Variants in STMN1 observed in about 807,000 individuals in gnomAD.
STMN1 encodes the protein stathmin 1.
In STMN1, 3 loss-of-function variants were observed where a neutral mutation model predicts 19.7. That is an observed-to-expected ratio of 0.15 (90% CI 0.07 to 0.39). The LOEUF (loss-of-function observed/expected upper bound fraction) is 0.39, where lower values mean the gene tolerates loss of function less well. STMN1 is among the 10% of genes least tolerant of loss of function. The probability of loss-of-function intolerance (pLI) is 1.00; values close to 1 mark genes in which losing one functional copy is unlikely to be tolerated. For missense variants in STMN1, 99 were observed against 176.0 expected (o/e 0.56, Z 2.48); for synonymous variants, 59 against 58.9 (o/e 1.00, Z -0.01).
At chr1:25,901,156 C>T (rs991728198) in intron 4 of STMN1, 69 bp from the exon 5 acceptor site, 9 of 1,566,764 alleles carry the variant, frequency 5.7e-6, no homozygotes, top group Non-Finnish European at 7.7e-6. Flanking sequence ...CAAGTCACGA[C>T]CCCCAGCCCC....
At chr1:25,887,667 T>C in intron 4 of STMN1, 1 of 220,842 alleles carries the variant, frequency 4.5e-6, no homozygotes, top group Non-Finnish European at 9.2e-6. Flanking sequence ...ACAATAAAGA[T>C]GTGTTTTTTG....
chr1:25,900,153 A>T lies in STMN1; in HGVS notation c.*863T>A. On this transcript the variant is annotated 3_prime_UTR_variant, in exon 5 of 5. Coordinates refer to ENST00000455785, the MANE Select transcript of STMN1 (RefSeq NM_005563.4). ...TACATAAAGTTTTATTAATATTCTG[A>T]TTCTCGTGTCATAGCTTTTATGGCA... 1 of 985,804 alleles carries T rather than the reference A, an allele frequency of 1.0e-6. No homozygotes were observed. The highest frequency in any genetic ancestry group is 1.2e-6 in the Non-Finnish European group (1 of 829,924). The allele number at this position is 985,804 out of a possible 1,614,324, so 61.1% of individuals were successfully genotyped here. A position where few individuals can be genotyped will look rare whatever the true frequency, so the allele number is the denominator to read the frequency against.
intron 4 of STMN1, among the ~76,000 whole-genome samples, chr1:25,892,214 C>G (rs1025784968): frequency 6.6e-6 from 1 of 152,144 alleles, no homozygotes; most frequent in Non-Finnish European, 1.5e-5. Context: ...ATGGCAAAAC[C>G]TCGTCTCTAC....
At chr1:25,890,724 C>T (rs931982183) in intron 4 of STMN1, among the ~76,000 whole-genome samples, 3 of 152,116 alleles carry the variant, frequency 2.0e-5, no homozygotes, top group African/African-American at 7.2e-5. Context: ...ATCCGTAGGT[C>T]GGCCAGGGTC....
chr1:25,892,719 A>C, intron 4 of STMN1: 1 of 409,942 alleles, frequency 2.4e-6, no homozygotes, highest in Non-Finnish European at 3.3e-6. Context: ...GGCACACGGG[A>C]CAGCACTACC....
chr1:25,902,041 C>T (rs1326888621), intron 3 of STMN1: 1 of 153,226 alleles, frequency 6.5e-6, no homozygotes, highest in African/African-American at 2.6e-5. Flanking sequence ...GTTAAAATTA[C>T]AATAAAAATA....
chr1:25,886,482 T>C (rs1436130796), intron 4 of STMN1, among the ~76,000 whole-genome samples: 1 of 151,798 alleles, frequency 6.6e-6, no homozygotes, highest in Non-Finnish European at 1.5e-5. Context: ...GGGAGACGAG[T>C]GCACCTGCAT....
At chr1:25,895,875 A>T (rs1403589452), downstream of STMN1, among the ~76,000 whole-genome samples, 3 of 152,202 alleles carry the variant, frequency 2.0e-5, no homozygotes. Flanking sequence ...GCTTCTAGAA[A>T]ATCGGGTTTA....
At chr1:25,895,764 T>C (rs775291098), downstream of STMN1, among the ~76,000 whole-genome samples, 5 of 152,234 alleles carry the variant, frequency 3.3e-5, no homozygotes, top group Non-Finnish European at 7.3e-5. Context: ...TGGTTCAACA[T>C]TGGCTGCAGG....
At chr1:25,900,049 C>T (rs1043655576), downstream of STMN1, 2 of 982,312 alleles carry the variant, frequency 2.0e-6, no homozygotes, top group South Asian at 4.7e-5. Context: ...TATCTGCCAA[C>T]CTTAACCACC....
chr1:25,891,331 T>TAAAAAAA (rs34481251), intron 4 of STMN1, among the ~76,000 whole-genome samples: 1 of 144,842 alleles, frequency 6.9e-6, no homozygotes, highest in Non-Finnish European at 1.5e-5. Context: ...AACTCCATCT[T>TAAAAAAA]AAAAAAAAAA....
chr1:25,899,369 G>A (rs530625568), downstream of STMN1, among the ~76,000 whole-genome samples: 10 of 152,264 alleles, frequency 6.6e-5, no homozygotes, highest in South Asian at 6.2e-4. Context: ...CCAGAGACAG[G>A]AGCCAAGATG....
Position 25,900,406 on chromosome 1 carries a change from A to C in STMN1, c.*610T>G, listed in dbSNP as rs576069185. On this transcript the variant is annotated 3_prime_UTR_variant, in exon 5 of 5. Transcript: ENST00000455785. Reference sequence around the variant, plus strand: ...CAAAGCAGTCATTGTGGAAGGAGACAATGCAAACCACACTGGGGCAAGAAA... The same window carrying C: ...CAAAGCAGTCATTGTGGAAGGAGACCATGCAAACCACACTGGGGCAAGAAA... The C allele has an allele frequency of 4.1e-6, 4 of 985,876 alleles. No homozygotes were observed. In the Admixed American group the frequency reaches 2.5e-4, roughly 61 times the overall value. 61.1% of individuals were successfully genotyped at this position (985,876 alleles called of 1,614,324 possible). A position where few individuals can be genotyped will look rare whatever the true frequency, so the allele number is the denominator to read the frequency against.
chr1:25,901,206 A>T, intron 4 of STMN1, 119 bp from the exon 5 acceptor site: 1 of 1,500,502 alleles, frequency 6.7e-7, no homozygotes. Flanking sequence ...TGCATATATT[A>T]CAGCCTGTGG....
chr1:25,887,814 G>T (rs186250741), intron 4 of STMN1, among the ~76,000 whole-genome samples: 1 of 152,254 alleles, frequency 6.6e-6, no homozygotes, highest in Admixed American at 6.5e-5. Flanking sequence ...AGCCTCCTGA[G>T]TAGCTGGGAC....
chr1:25,898,171 G>A (rs1343357656), downstream of STMN1, among the ~76,000 whole-genome samples: 1 of 149,724 alleles, frequency 6.7e-6, no homozygotes, highest in East Asian at 1.9e-4. Flanking sequence ...TGGGGAGGGG[G>A]CCTGCCTGGA....
intron 2 of STMN1, 105 bp from the exon 3 acceptor site, chr1:25,903,918 G>A (rs2048905501): frequency 6.7e-6 from 8 of 1,187,844 alleles, no homozygotes; most frequent in Non-Finnish European, 9.2e-6. Flanking sequence ...ATTAAACTAG[G>A]GCTGATGAGG....
chr1:25,885,476 C>T (rs2048713576), exon 5 of STMN1: 5 of 369,312 alleles, frequency 1.4e-5, no homozygotes, highest in Non-Finnish European at 4.8e-6. Flanking sequence ...GCTGCTGGGC[C>T]CTCTACGTTG....
chr1:25,894,416 A>G (rs570080782), intron 4 of STMN1, among the ~76,000 whole-genome samples: 122 of 152,350 alleles, frequency 8.0e-4, no homozygotes, highest in African/African-American at 2.8e-3. Flanking sequence ...ACGATGGCCC[A>G]TGCCTGTAAT....
Sources: gnomAD v4.1 joint callset for allele counts (sites outside exome capture counted in the v4.1 genomes callset) on GRCh38, gnomAD v4.1.1 for gene constraint, MANE v1.5 for transcripts, NCBI Gene and HGNC (gene_info 2026-07-23, HGNC 2026-07-21) for gene names.